PIGN: variants seen among roughly 807,000 people sequenced by gnomAD.
PIGN encodes phosphatidylinositol glycan anchor biosynthesis class N.
In PIGN, 117 loss-of-function variants were observed where a neutral mutation model predicts 125.4. The observed-to-expected ratio is 0.93, with a 90% CI of 0.80 to 1.09. The LOEUF (loss-of-function observed/expected upper bound fraction) is 1.09, where lower values mean the gene tolerates loss of function less well. PIGN is among the 50% of genes least tolerant of loss of function. The pLI is 0.00. For synonymous variants in PIGN, 392 were observed against 377.8 expected (o/e 1.04, Z -0.44); for missense variants, 1,075 against 1,094.9 (o/e 0.98, Z 0.26).
At chr18:62,072,414 A>G in intron 30 of PIGN, 1 of 289,922 alleles carries the variant, frequency 3.4e-6, no homozygotes, top group Non-Finnish European at 6.4e-6. Context: ...ATTTTTTACT[A>G]TACCTTTTCT....
rs1213600246 is a variant in PIGN, at chr18:62,140,433, G to T, written c.1010C>A (p.Pro337His). The change falls in exon 12 of 31, where the codon CCT becomes CAT. Residue 337 changes from proline (P) to histidine (H), a missense_variant. By Grantham distance (77) the Pro-to-His change is moderately conservative. Around this residue, in one of 3 missense-constraint regions of PIGN, gnomAD observed 915 missense variants for 908.7 expected, o/e 1.01. Transcript: ENST00000640252. ...TTTATTCCTTACCACTGAGTTAAGA[G>T]GAAAGGGAACTCCAATAAGGGAAGT... ...LMTSLIGVPF[P>H]LNSVGILPVD... The T allele has an allele frequency of 6.6e-7, 1 of 1,522,952 alleles. No individual in the cohort carries two copies. 94.3% of individuals were successfully genotyped at this position (1,522,952 alleles called of 1,614,324 possible).
intron 30 of PIGN, among the ~76,000 whole-genome samples, chr18:62,046,552 G>A (rs760786837): frequency 4.0e-5 from 6 of 148,516 alleles, no homozygotes; most frequent in Non-Finnish European, 5.9e-5. Flanking sequence ...GTTTCATCCC[G>A]AAACCATCCC....
At chr18:62,121,544 A>G (rs551076831) in intron 14 of PIGN, among the ~76,000 whole-genome samples, 1 of 152,202 alleles carries the variant, frequency 6.6e-6, no homozygotes, top group African/African-American at 2.4e-5. Context: ...AGGGAATTCT[A>G]TTTATCTGAA....
At position 62,157,793 on chromosome 18, in the gene PIGN, A is replaced by T. The variant is rs1396275031; in HGVS notation, c.237T>A (p.His79Gln). 8 of 1,610,956 alleles carry T rather than the reference A, an allele frequency of 5.0e-6. No homozygotes were observed. In the Admixed American group the frequency reaches 1.3e-4, roughly 27 times the overall value. Residue 79 changes from histidine to glutamine, a missense_variant, in exon 5 of 31, where the codon CAT becomes CAA. His to Gln is a conservative substitution (Grantham distance 24). Coordinates refer to ENST00000640252, the MANE Select transcript of PIGN (RefSeq NM_176787.5). Reference protein sequence around the residue: ...RAPFIRNIIMHEGSWGISHTR... With the variant: ...RAPFIRNIIMQEGSWGISHTR... ...TATGAGATATGCCCCAGCTGCCTTC[A>T]TGCATTATGATATTCCTAAAAGATA...
intron 4 of PIGN, 29 bp from the exon 5 acceptor site, chr18:62,157,837 C>A: frequency 6.3e-7 from 1 of 1,580,864 alleles, no homozygotes; most frequent in Non-Finnish European, 8.6e-7. Context: ...AAATAGTTAA[C>A]ACAGACTATG....
intron 29 of PIGN, among the ~76,000 whole-genome samples, chr18:62,073,836 G>A (rs1032513322): frequency 2.6e-5 from 4 of 152,228 alleles, no homozygotes; most frequent in African/African-American, 4.8e-5. Flanking sequence ...GCTACTGGGA[G>A]GCAATTTCTG....
rs142309004 is a variant in PIGN at position 62,074,276 on chromosome 18, A to G, written c.2619+503T>C. On this transcript the variant is annotated intron_variant, in intron 29 of 30. Coordinates refer to ENST00000640252, the MANE Select transcript of PIGN (RefSeq NM_176787.5). Reference sequence around the variant, plus strand: ...TTGGGAACTCCCCAAAGTTGTAGACATAAAATAGGTTCCTCTTTTTGTTAA... The same window carrying G: ...TTGGGAACTCCCCAAAGTTGTAGACGTAAAATAGGTTCCTCTTTTTGTTAA... 1.5e-3 allele frequency among the ~76,000 whole-genome samples: 233 copies of G among 152,370 alleles called. 1 individual carries two copies. Among genetic ancestry groups the G allele is most frequent in the East Asian group, 6.6e-3 (34 of 5,188 alleles).
intron 14 of PIGN, among the ~76,000 whole-genome samples, chr18:62,126,707 T>A (rs1208378597): frequency 6.6e-6 from 1 of 152,074 alleles, no homozygotes. Flanking sequence ...AATACTAGGG[T>A]ATGGATAATT....
chr18:62,040,303 A>T (rs891668562), downstream of PIGN, among the ~76,000 whole-genome samples: 12 of 149,256 alleles, frequency 8.0e-5, no homozygotes, highest in East Asian at 1.6e-3. Flanking sequence ...TTTAGGGCCC[A>T]TCCAGGGTGC....
intron 1 of PIGN, among the ~76,000 whole-genome samples, chr18:62,176,868 G>C (rs2037542448): frequency 6.6e-6 from 1 of 152,004 alleles, no homozygotes; most frequent in African/African-American, 2.4e-5. Flanking sequence ...GTTTACATAA[G>C]ATGTTTACAT....
chr18:62,124,417 T>C (rs191948290), intron 14 of PIGN, among the ~76,000 whole-genome samples: 168 of 152,250 alleles, frequency 1.1e-3, no homozygotes, highest in Admixed American at 5.7e-3. Flanking sequence ...GATACCAGAT[T>C]AGGAGAGAGA....
At chr18:62,057,004 C>A (rs1433959704) in intron 30 of PIGN, among the ~76,000 whole-genome samples, 1 of 152,142 alleles carries the variant, frequency 6.6e-6, no homozygotes, top group Non-Finnish European at 1.5e-5. Flanking sequence ...CCCTGCTGGC[C>A]CCTGCACCCT....
chr18:62,063,319 A>G (rs894989532), intron 30 of PIGN, among the ~76,000 whole-genome samples: 3 of 125,746 alleles, frequency 2.4e-5, no homozygotes, highest in Non-Finnish European at 5.1e-5. Context: ...TATAGATTTT[A>G]GCCAAAATCT....
intron 25 of PIGN, 123 bp from the exon 26 acceptor site, chr18:62,085,387 T>C: frequency 1.5e-6 from 1 of 689,526 alleles, no homozygotes; most frequent in Non-Finnish European, 2.6e-6. Flanking sequence ...CCATGAATTG[T>C]TTTCAATGAA....
chr18:62,057,235 C>T (rs772472354), intron 30 of PIGN, among the ~76,000 whole-genome samples: 9 of 152,158 alleles, frequency 5.9e-5, no homozygotes, highest in Non-Finnish European at 1.0e-4. Context: ...CCAGCACCAT[C>T]CTAATTTAAA....
intron 23 of PIGN, among the ~76,000 whole-genome samples, chr18:62,026,942 C>T (rs2030130833): frequency 6.6e-6 from 1 of 152,324 alleles, no homozygotes; most frequent in East Asian, 1.9e-4. Flanking sequence ...GTGGCTCACG[C>T]CTGTAATTCC....
chr18:62,115,906 C>T (rs1049981518), intron 14 of PIGN, among the ~76,000 whole-genome samples: 1 of 151,986 alleles, frequency 6.6e-6, no homozygotes, highest in Non-Finnish European at 1.5e-5. Flanking sequence ...AGAGGTCAGG[C>T]ATTCGAGACC....
intron 14 of PIGN, among the ~76,000 whole-genome samples, chr18:62,124,763 T>C (rs1296899324): frequency 6.6e-6 from 1 of 152,204 alleles, no homozygotes; most frequent in Non-Finnish European, 1.5e-5. Context: ...CCTTTCAATG[T>C]GTGTGCATGG....
Position 62,090,535 on chromosome 18 carries a change from C to T in PIGN, c.2224G>A (p.Val742Ile), listed in dbSNP as rs368704155. The T allele has an allele frequency of 9.3e-6, 15 of 1,610,468 alleles. No homozygotes were observed. In the South Asian group the frequency reaches 1.5e-4, roughly 17 times the overall value. Residue 742 changes from valine to isoleucine, a missense_variant, in exon 24 of 31, where the codon GTC (valine) becomes ATC (isoleucine). Transcript: ENST00000640252. ...GTTTCTTGTTCTATGTTTATCCAGA[C>T]AAACATCAAACAAGACAACACTAGT... ...FPLVLSCLMF[V>I]WINIEQETLQ...
Sources: gnomAD v4.1 joint callset for allele counts (sites outside exome capture counted in the v4.1 genomes callset) on GRCh38, gnomAD v4.1.1 for gene constraint, gnomAD v4.1.1 regional missense constraint, MANE v1.5 for transcripts, NCBI Gene and HGNC (gene_info 2026-07-23, HGNC 2026-07-21) for gene names.